GALNT17: variants seen among roughly 807,000 people sequenced by gnomAD.
GALNT17 encodes the protein polypeptide N-acetylgalactosaminyltransferase 17.
In GALNT17, 29 loss-of-function variants were observed where a neutral mutation model predicts 63.7. That is an observed-to-expected ratio of 0.46 (90% CI 0.34 to 0.62). The LOEUF is 0.62. Among genes scored for constraint, GALNT17 ranks in the 20% least tolerant of loss-of-function variants. The pLI, the probability that GALNT17 is intolerant of heterozygous loss-of-function variation, is 0.01. For synonymous variants in GALNT17, 305 were observed against 318.3 expected (o/e 0.96, Z 0.45); for missense variants, 603 against 799.6 (o/e 0.75, Z 2.97).
chr7:71,360,423 A>T (rs889769261), intron 2 of GALNT17, among the ~76,000 whole-genome samples: 1 of 152,232 alleles, frequency 6.6e-6, no homozygotes, highest in Non-Finnish European at 1.5e-5. Flanking sequence ...ACTTGTGATG[A>T]AAAAGTCATT....
At chr7:71,324,463 C>T (rs931026154) in intron 1 of GALNT17, among the ~76,000 whole-genome samples, 1 of 152,110 alleles carries the variant, frequency 6.6e-6, no homozygotes, top group African/African-American at 2.4e-5. Flanking sequence ...CTAGCCTGAG[C>T]AACATGTCTT....
rs145440413 is a variant in GALNT17 at position 71,357,620 on chromosome 7, G to A, written c.422+21887G>A. ...ATGCCTTGAGTCATGCAGATTTAAA[G>A]TCCCGTCTTTGGCTAGGTGCTTACG... On this transcript the variant is annotated intron_variant, in intron 2 of 10. Coordinates refer to ENST00000333538, the MANE Select transcript of GALNT17 (RefSeq NM_022479.3). Among the ~76,000 whole-genome samples the A allele has an allele frequency of 1.6e-4, 24 of 152,262 alleles. No homozygotes were observed. The East Asian group carries it at 4.5e-3, about 28-fold the overall frequency.
At chr7:71,395,926 A>G (rs569087051) in intron 3 of GALNT17, among the ~76,000 whole-genome samples, 1 of 152,274 alleles carries the variant, frequency 6.6e-6, no homozygotes, top group Non-Finnish European at 1.5e-5. Context: ...TACTTTGCCC[A>G]TTTTAAAATT....
intron 5 of GALNT17, among the ~76,000 whole-genome samples, chr7:71,483,048 T>G (rs1486266261): frequency 6.6e-6 from 1 of 152,136 alleles, no homozygotes; most frequent in East Asian, 1.9e-4. Flanking sequence ...TCCTGAAAGG[T>G]CACAGATCAG....
At chr7:71,286,464 C>A (rs1448826446) in intron 1 of GALNT17, among the ~76,000 whole-genome samples, 1 of 152,204 alleles carries the variant, frequency 6.6e-6, no homozygotes, top group African/African-American at 2.4e-5. Context: ...TATTTTCTTT[C>A]CTCTCCACTC....
chr7:71,628,532 A>C (rs890993810), intron 6 of GALNT17, among the ~76,000 whole-genome samples: 1 of 151,976 alleles, frequency 6.6e-6, no homozygotes, highest in African/African-American at 2.4e-5. Context: ...CGTGTTGGCT[A>C]TGCTGGTCTC....
At chr7:71,247,555 C>T (rs956498479) in intron 1 of GALNT17, among the ~76,000 whole-genome samples, 5 of 152,130 alleles carry the variant, frequency 3.3e-5, no homozygotes, top group African/African-American at 7.2e-5. Context: ...CTCCTGGGTT[C>T]AAGCTATTTT....
At chr7:71,439,790 G>T (rs1787032778) in intron 5 of GALNT17, among the ~76,000 whole-genome samples, 1 of 152,158 alleles carries the variant, frequency 6.6e-6, no homozygotes, top group South Asian at 2.1e-4. Context: ...GAGCTGATCT[G>T]TGGGGAGAGA....
intron 5 of GALNT17, among the ~76,000 whole-genome samples, chr7:71,433,479 A>G (rs1020926580): frequency 3.3e-5 from 5 of 152,240 alleles, no homozygotes; most frequent in Non-Finnish European, 7.3e-5. Flanking sequence ...ACTAAAAACC[A>G]TTGGCTTGTA....
At chr7:71,670,503 G>A (rs1791052807) in intron 8 of GALNT17, among the ~76,000 whole-genome samples, 1 of 152,112 alleles carries the variant, frequency 6.6e-6, no homozygotes, top group African/African-American at 2.4e-5. Flanking sequence ...TCAAAGAAAG[G>A]AGGAAACGTT....
chr7:71,155,954 T>C (rs1216955486), intron 1 of GALNT17, among the ~76,000 whole-genome samples: 1 of 151,846 alleles, frequency 6.6e-6, no homozygotes, highest in Non-Finnish European at 1.5e-5. Flanking sequence ...CCCAGCACTT[T>C]GGGAGGCTGA....
At chr7:71,240,676 C>CTTTTTTTTTTTTTTTTTTTTTTTT (rs1562940440) in intron 1 of GALNT17, among the ~76,000 whole-genome samples, 1 of 137,246 alleles carries the variant, frequency 7.3e-6, no homozygotes, top group African/African-American at 2.8e-5. Context: ...TCTTTTTTTC[C>CTTTTTTTTTTTTTTTTTTTTTTTT]TTTTTTTTGA....
At chr7:71,297,078 A>G (rs1048427283) in intron 1 of GALNT17, among the ~76,000 whole-genome samples, 2 of 152,238 alleles carry the variant, frequency 1.3e-5, no homozygotes, top group South Asian at 2.1e-4. Flanking sequence ...AGCACACCTC[A>G]TTGCCTGCTC....
intron 6 of GALNT17, among the ~76,000 whole-genome samples, chr7:71,660,789 A>G (rs994406545): frequency 2.0e-5 from 3 of 152,126 alleles, no homozygotes; most frequent in African/African-American, 4.8e-5. Flanking sequence ...ATTTCTTTCC[A>G]TCTGCTATGT....
chr7:71,665,363 G>T, intron 6 of GALNT17, 48 bp from the exon 7 acceptor site: 1 of 1,563,394 alleles, frequency 6.4e-7, no homozygotes, highest in Non-Finnish European at 8.6e-7. Context: ...AGGGGGCATA[G>T]CCTCTGGGAA....
intron 1 of GALNT17, among the ~76,000 whole-genome samples, chr7:71,199,032 A>G (rs1463154420): frequency 1.3e-5 from 2 of 152,102 alleles, no homozygotes; most frequent in African/African-American, 2.4e-5. Flanking sequence ...TTAGTCCTGG[A>G]TAATACTTTG....
At chr7:71,669,936 A>G (rs755644120) in intron 7 of GALNT17, 36 bp from the exon 8 acceptor site, 2 of 1,611,918 alleles carry the variant, frequency 1.2e-6, no homozygotes, top group South Asian at 1.1e-5. Flanking sequence ...AGAGCTCCAC[A>G]GTCACTAACA....
At chr7:71,404,842 C>G (rs1275873228) in intron 3 of GALNT17, among the ~76,000 whole-genome samples, 1 of 152,216 alleles carries the variant, frequency 6.6e-6, no homozygotes, top group Admixed American at 6.5e-5. Flanking sequence ...GGAGCACTGA[C>G]CATAGTCAGC....
At chr7:71,412,377 T>C (rs1289886439) in intron 3 of GALNT17, among the ~76,000 whole-genome samples, 2 of 148,516 alleles carry the variant, frequency 1.3e-5, no homozygotes, top group African/African-American at 4.9e-5. Flanking sequence ...TCATCTCCCT[T>C]TTTTTTTTTT....
Sources: allele counts gnomAD v4.1 joint callset (sites outside exome capture counted in the v4.1 genomes callset), GRCh38; gene constraint gnomAD v4.1.1; transcripts MANE v1.5; gene names NCBI Gene and HGNC (gene_info 2026-07-23, HGNC 2026-07-21).